SMS: variants seen among roughly 807,000 people sequenced by gnomAD.
SMS encodes the protein spermidine aminopropyltransferase.
In SMS, 3 loss-of-function variants were observed where a neutral mutation model predicts 33.0. The ratio of observed to expected loss-of-function variants is 0.09; its 90% CI spans 0.04 to 0.23. SMS has a LOEUF of 0.23. Among genes scored for constraint, SMS ranks in the 10% least tolerant of loss-of-function variants. The pLI, the probability that SMS is intolerant of heterozygous loss-of-function variation, is 1.00. For missense variants in SMS, 117 were observed against 288.6 expected, an observed-to-expected ratio of 0.41 and a Z score of 4.31; for synonymous variants, 103 against 112.2, an observed-to-expected ratio of 0.92 and a Z score of 0.52.
rs766428149 is a variant in SMS, at chrX:21,983,311, A to AT, written c.751-991dup. Among the ~76,000 whole-genome samples the AT allele has an allele frequency of 9.9e-5, 11 of 111,550 alleles. No individual in the cohort carries two copies. The East Asian group carries it at 2.8e-3, about 28-fold the overall frequency. The stretch of plus-strand genomic sequence containing the variant: ...CACCTCAACTTCCCAAAGTACTGGG[A>AT]TTACAGGTGTTGGGCCACTGACCCC... On this transcript the variant is annotated intron_variant, in intron 7 of 10. Coordinates refer to ENST00000404933, the MANE Select transcript of SMS (RefSeq NM_004595.5).
chrX:21,965,280 A>G (rs1923622778), intron 1 of SMS, among the ~76,000 whole-genome samples: 1 of 111,587 alleles, frequency 9.0e-6, no homozygotes, highest in Admixed American at 9.5e-5. Context: ...CATTATACCC[A>G]CTACAGTGGG....
At chrX:21,993,082 A>T (rs1925865344) in intron 10 of SMS, among the ~76,000 whole-genome samples, 1 of 111,947 alleles carries the variant, frequency 8.9e-6, no homozygotes, top group Non-Finnish European at 1.9e-5. Flanking sequence ...CAATCAGAGG[A>T]ATTCTGGAGG....
chrX:21,982,192 G>C (rs756418704), intron 7 of SMS, among the ~76,000 whole-genome samples: 2 of 108,679 alleles, frequency 1.8e-5, no homozygotes, highest in African/African-American at 3.4e-5. Flanking sequence ...AAAAAAATTA[G>C]CTGGGCGTGG....
At chrX:21,972,916 CAA>C (rs981181175) in intron 4 of SMS, among the ~76,000 whole-genome samples, 99 of 39,566 alleles carry the variant, frequency 2.5e-3, no homozygotes, top group Middle Eastern at 0.013. Context: ...GAGACTGTCT[CAA>C]AAAAAAAAAA....
intron 7 of SMS, 113 bp downstream of exon 7, chrX:21,979,079 A>G (rs1439019229): frequency 1.8e-6 from 1 of 551,822 alleles, no homozygotes; most frequent in Admixed American, 2.5e-5. Context: ...AGATAAATAC[A>G]TCATCTGTCT....
intron 9 of SMS, among the ~76,000 whole-genome samples, chrX:21,990,088 G>A (rs1925657917): frequency 1.8e-5 from 2 of 111,734 alleles, no homozygotes; most frequent in Non-Finnish European, 3.8e-5. Context: ...CCCAACACAG[G>A]GAGACATATT....
chrX:21,956,638 T>G (rs1379810514), intron 1 of SMS, among the ~76,000 whole-genome samples: 1 of 109,978 alleles, frequency 9.1e-6, no homozygotes, highest in Non-Finnish European at 1.9e-5. Flanking sequence ...CCCGGCTAAT[T>G]TTTGTGTTTT....
At chrX:21,979,666 G>A (rs1924781582) in intron 7 of SMS, among the ~76,000 whole-genome samples, 1 of 110,965 alleles carries the variant, frequency 9.0e-6, no homozygotes, top group Non-Finnish European at 1.9e-5. Context: ...ATAAATATAC[G>A]TGTGCATGTG....
intron 8 of SMS, 117 bp from the exon 9 acceptor site, chrX:21,985,027 C>A (rs1282387733): frequency 2.2e-5 from 11 of 495,227 alleles, no homozygotes; most frequent in East Asian, 3.8e-5. Flanking sequence ...GTGGGTCTTA[C>A]ACTCGTGGCT....
At chrX:21,950,665 G>C (rs6629442) in intron 1 of SMS, among the ~76,000 whole-genome samples, 43,497 of 105,386 alleles carry the variant, frequency 0.41, 8,465 homozygotes, top group African/African-American at 0.72. Context: ...TCTCATTGTT[G>C]GGCTCCCACT....
intron 1 of SMS, among the ~76,000 whole-genome samples, chrX:21,944,539 A>AAAAAAAAAAAAAAAG (rs776946474): frequency 1.2e-5 from 1 of 81,437 alleles, no homozygotes; most frequent in Non-Finnish European, 2.3e-5. Flanking sequence ...AAAAAAAAAA[A>AAAAAAAAAAAAAAAG]AAAAAAGAAA....
chrX:21,973,883 A>C (rs1924357344), intron 4 of SMS, among the ~76,000 whole-genome samples: 1 of 113,355 alleles, frequency 8.8e-6, no homozygotes, highest in Admixed American at 9.2e-5. Flanking sequence ...TCAGATTTTA[A>C]AAGAATGCAA....
chrX:21,945,100 C>G (rs1212076168), intron 1 of SMS, among the ~76,000 whole-genome samples: 5 of 112,071 alleles, frequency 4.5e-5, no homozygotes, highest in Non-Finnish European at 9.4e-5. Flanking sequence ...AATCCTATGT[C>G]CATTTTTTTC....
At chrX:21,965,193 A>C (rs1444545890) in intron 1 of SMS, among the ~76,000 whole-genome samples, 1 of 112,096 alleles carries the variant, frequency 8.9e-6, no homozygotes, top group Non-Finnish European at 1.9e-5. Flanking sequence ...AATTACATCT[A>C]CAAAGACCAT....
In SMS at chrX:21,967,206, G is replaced by A. The variant is rs370013724; in HGVS notation, c.60G>A (p.Glu20=). The change falls in exon 2 of 11, where the codon GAG becomes GAA. Residue 20 remains glutamate (E), a synonymous_variant. Transcript: ENST00000404933. ...DFMLGAKADG[E]TILKGLQSIF... ...CCCCTTGTTCTCCAGCTGATGGTGA[G>A]ACCATTCTAAAAGGCCTCCAGTCCA... is the stretch of plus-strand genomic sequence containing the variant. The A allele has an allele frequency of 1.3e-5, 16 of 1,206,561 alleles. No individual in the cohort carries two copies. Among genetic ancestry groups the A allele is most frequent in the Non-Finnish European group, 1.8e-5 (16 of 894,322 alleles).
chrX:21,954,054 T>C (rs1280641850), intron 1 of SMS, among the ~76,000 whole-genome samples: 3 of 111,607 alleles, frequency 2.7e-5, no homozygotes, highest in Non-Finnish European at 5.6e-5. Flanking sequence ...TTGATACTAG[T>C]TGATAATGTT....
intron 9 of SMS, among the ~76,000 whole-genome samples, chrX:21,987,135 A>G (rs771558637): frequency 1.8e-5 from 2 of 109,401 alleles, no homozygotes; most frequent in South Asian, 7.9e-4. Context: ...AGCTGGGATT[A>G]TAGGCATGTG....
At position 21,992,751 on chromosome X, in the gene SMS, C is replaced by A. The variant is rs371370195; in HGVS notation, c.1061+39C>A. Reference sequence around the variant, plus strand: ...GTGACATTCTGTTGCCAGATCAAAGCACCCAAGTAAATCATATGCCAATGA... The same window carrying A: ...GTGACATTCTGTTGCCAGATCAAAGAACCCAAGTAAATCATATGCCAATGA... On this transcript the variant is annotated intron_variant, in intron 10 of 10. Transcript: ENST00000404933. 21 of 813,275 alleles carry A rather than the reference C, an allele frequency of 2.6e-5. No individual in the cohort carries two copies. The African/African-American group carries it at 3.2e-4, about 13-fold the overall frequency. The allele number at this position is 813,275 out of a possible 1,213,427, so 67.0% of individuals were successfully genotyped here.
chrX:21,966,360 G>C (rs73195176), intron 1 of SMS, among the ~76,000 whole-genome samples: 2,427 of 112,375 alleles, frequency 0.022, 30 homozygotes, highest in Non-Finnish European at 0.034. Flanking sequence ...GGGAATGCCT[G>C]CTTTGTAGAT....
Sources: gnomAD v4.1 joint callset for allele counts (sites outside exome capture counted in the v4.1 genomes callset) on GRCh38, gnomAD v4.1.1 for gene constraint, MANE v1.5 for transcripts, NCBI Gene and HGNC (gene_info 2026-07-23, HGNC 2026-07-21) for gene names.